LAMA2: variants seen among roughly 807,000 people sequenced by gnomAD.
The protein encoded by LAMA2 is laminin subunit alpha 2.
Under a neutral mutation model 364.8 loss-of-function variants are expected in LAMA2, and 269 were observed. That is an observed-to-expected ratio of 0.74 (90% CI 0.67 to 0.82). The LOEUF is 0.82. LAMA2 is among the 40% of genes least tolerant of loss of function. The pLI is 0.00. For missense variants in LAMA2, 3,807 were observed against 3,873.2 expected (o/e 0.98, Z 0.45); for synonymous variants, 1,379 against 1,370.6 (o/e 1.01, Z -0.14).
intron 1 of LAMA2, among the ~76,000 whole-genome samples, chr6:128,928,706 A>G (rs1223130968): frequency 6.6e-6 from 1 of 152,244 alleles, no homozygotes; most frequent in Non-Finnish European, 1.5e-5. Flanking sequence ...ATCAGTGAAT[A>G]GTAATGCTCA....
At chr6:129,026,058 T>C (rs1038897871) in intron 1 of LAMA2, among the ~76,000 whole-genome samples, 3 of 152,202 alleles carry the variant, frequency 2.0e-5, no homozygotes, top group Non-Finnish European at 4.4e-5. Flanking sequence ...GATGCTGATT[T>C]ACCTCATCAG....
At chr6:129,307,479 C>T (rs555313991) in intron 22 of LAMA2, among the ~76,000 whole-genome samples, 2 of 152,306 alleles carry the variant, frequency 1.3e-5, no homozygotes, top group African/African-American at 4.8e-5. Flanking sequence ...CCTCGGCTTC[C>T]TCAAACTCCA....
intron 3 of LAMA2, among the ~76,000 whole-genome samples, chr6:129,079,411 A>G (rs981344399): frequency 2.6e-5 from 4 of 152,122 alleles, no homozygotes; most frequent in Non-Finnish European, 5.9e-5. Context: ...CCTGAGGATA[A>G]GGAGGGACTA....
chr6:129,407,587 T>C (rs921129462), intron 40 of LAMA2, among the ~76,000 whole-genome samples: 10 of 152,158 alleles, frequency 6.6e-5, no homozygotes, highest in African/African-American at 2.4e-4. Flanking sequence ...ACAATTACAG[T>C]CTTCATTTCT....
chr6:129,397,016 T>G (rs1465350894), intron 37 of LAMA2, among the ~76,000 whole-genome samples: 1 of 139,694 alleles, frequency 7.2e-6, no homozygotes, highest in Non-Finnish European at 1.6e-5. Context: ...AAAAAGAAAA[T>G]AAAAGAAAAC....
At chr6:129,007,570 CAT>C (rs1335307861) in intron 1 of LAMA2, among the ~76,000 whole-genome samples, 4 of 152,170 alleles carry the variant, frequency 2.6e-5, no homozygotes, top group Non-Finnish European at 5.9e-5. Context: ...TTGAGGAAGA[CAT>C]GTGGGCTCAA....
intron 40 of LAMA2, among the ~76,000 whole-genome samples, chr6:129,417,068 C>T (rs767451809): frequency 1.3e-5 from 2 of 152,174 alleles, no homozygotes; most frequent in Non-Finnish European, 2.9e-5. Context: ...CAAAAGGCCA[C>T]AGCCCTTCTC....
At chr6:129,310,910 T>A (rs759852083) in intron 22 of LAMA2, among the ~76,000 whole-genome samples, 16 of 152,056 alleles carry the variant, frequency 1.1e-4, no homozygotes, top group South Asian at 6.2e-4. Flanking sequence ...TGTAGGCAAA[T>A]GCATGTCTGT....
At chr6:129,271,700 G>T (rs752944423) in intron 17 of LAMA2, among the ~76,000 whole-genome samples, 6 of 151,944 alleles carry the variant, frequency 3.9e-5, no homozygotes, top group Non-Finnish European at 7.4e-5. Flanking sequence ...TCTCTTAAAG[G>T]TGAGCTTAGT....
chr6:129,389,409 G>A (rs1779197657), intron 35 of LAMA2, among the ~76,000 whole-genome samples: 3 of 152,184 alleles, frequency 2.0e-5, no homozygotes, highest in Admixed American at 2.0e-4. Flanking sequence ...GTAAGGAGCT[G>A]CTTCCTGGTT....
Position 129,248,016 on chromosome 6 carries a change from G to C in LAMA2, c.1783-2096G>C, listed in dbSNP as rs75149618. On this transcript the variant is annotated intron_variant, in intron 12 of 64. Coordinates refer to ENST00000421865, the MANE Select transcript of LAMA2 (RefSeq NM_000426.4). The stretch of plus-strand genomic sequence containing the variant: ...CCCGGGCTATACAGGTCTGTGGCCT[G>C]TTAAGAATTGGGCGGCACAACAGGA... Among the ~76,000 whole-genome samples the C allele has an allele frequency of 3.4e-3, 512 of 152,274 alleles. 3 individuals carry two copies. The highest frequency in any genetic ancestry group is 0.012 in the African/African-American group (496 of 41,550).
intron 49 of LAMA2, among the ~76,000 whole-genome samples, chr6:129,462,771 TTGC>T (rs1201917962): frequency 1.3e-5 from 2 of 151,926 alleles, no homozygotes; most frequent in Non-Finnish European, 2.9e-5. Flanking sequence ...TGTTTATTTG[TTGC>T]TTTCAGGAAA....
chr6:129,358,915 C>T (rs1276378584), intron 32 of LAMA2, among the ~76,000 whole-genome samples: 2 of 151,960 alleles, frequency 1.3e-5, no homozygotes, highest in Non-Finnish European at 2.9e-5. Context: ...CTGAAAACCA[C>T]TTTTATGGCC....
intron 1 of LAMA2, among the ~76,000 whole-genome samples, chr6:129,020,432 A>T (rs571980036): frequency 6.6e-6 from 1 of 152,250 alleles, no homozygotes; most frequent in Non-Finnish European, 1.5e-5. Context: ...AAAGTATGAG[A>T]CTTAAAGAGG....
intron 1 of LAMA2, among the ~76,000 whole-genome samples, chr6:128,939,508 A>G (rs7773602): frequency 0.12 from 17,697 of 152,226 alleles, 1,210 homozygotes; most frequent in African/African-American, 0.19. Context: ...TATCTGACAC[A>G]TAGTACAAAA....
chr6:129,341,043 A>T (rs574947645), intron 29 of LAMA2, among the ~76,000 whole-genome samples: 2 of 152,100 alleles, frequency 1.3e-5, no homozygotes, highest in East Asian at 1.9e-4. Flanking sequence ...AATAGCATAA[A>T]CTCTCAAAAA....
At chr6:129,275,296 G>C (rs1436868226) in intron 17 of LAMA2, among the ~76,000 whole-genome samples, 3 of 151,978 alleles carry the variant, frequency 2.0e-5, no homozygotes, top group African/African-American at 7.2e-5. Flanking sequence ...AGATTATGAT[G>C]GGTCTTCCTG....
chr6:129,324,643 G>C (rs186618658), intron 28 of LAMA2, among the ~76,000 whole-genome samples: 2 of 152,316 alleles, frequency 1.3e-5, no homozygotes, highest in Admixed American at 1.3e-4. Context: ...TACACACCTA[G>C]GCTACATGGG....
chr6:129,461,940 A>G (rs1172698405), intron 49 of LAMA2, among the ~76,000 whole-genome samples: 1 of 152,020 alleles, frequency 6.6e-6, no homozygotes, highest in East Asian at 1.9e-4. Flanking sequence ...CCCTTTAAAA[A>G]GGCACATTTG....
Sources: gnomAD v4.1 joint callset for allele counts (sites outside exome capture counted in the v4.1 genomes callset) on GRCh38, gnomAD v4.1.1 for gene constraint, MANE v1.5 for transcripts, NCBI Gene and HGNC (gene_info 2026-07-23, HGNC 2026-07-21) for gene names.